CD163L1: variants seen among roughly 807,000 people sequenced by gnomAD.
CD163L1 encodes CD163 molecule like 1, also known as scavenger receptor cysteine-rich type 1 protein M160.
In CD163L1, 124 loss-of-function variants were observed where a neutral mutation model predicts 165.4. The ratio of observed to expected loss-of-function variants is 0.75; its 90% CI spans 0.65 to 0.87. The LOEUF (loss-of-function observed/expected upper bound fraction) is 0.87, where lower values mean the gene tolerates loss of function less well. Among genes scored for constraint, CD163L1 ranks in the 40% least tolerant of loss-of-function variants. The pLI is 0.00. For synonymous variants in CD163L1, 585 were observed against 662.2 expected (o/e 0.88, Z 1.79); for missense variants, 1,525 against 1,799.9 (o/e 0.85, Z 2.76).
At chr12:7,326,969 G>T in the CD163L1 span, 1 of 1,591,280 alleles carries the variant, frequency 6.3e-7, no homozygotes, top group Non-Finnish European at 8.5e-7. Flanking sequence ...TAACTTTTCT[G>T]TTGCAGGTGG....
Position 7,391,736 on chromosome 12 carries a change from A to G in CD163L1, c.2050+4359T>C, listed in dbSNP as rs749234769. Among the ~76,000 whole-genome samples, 5 of 152,210 alleles carry G rather than the reference A, an allele frequency of 3.3e-5. No homozygotes were observed. The East Asian group carries it at 7.7e-4, about 23-fold the overall frequency. ...ATAAAGGGATGGAGGAAGATCTACC[A>G]AACAACTGGAATGCAAAAAAGAGCA... On this transcript the variant is annotated intron_variant, in intron 8 of 19. Coordinates refer to ENST00000313599, the MANE Select transcript of CD163L1 (RefSeq NM_174941.6).
intron 5 of CD163L1, 78 bp downstream of exon 5, chr12:7,406,454 G>A (rs1196536473): frequency 2.2e-6 from 3 of 1,379,724 alleles, no homozygotes; most frequent in Non-Finnish European, 3.0e-6. Context: ...ACAATTGGTT[G>A]TAACTTTTTC....
intron 4 of CD163L1, among the ~76,000 whole-genome samples, chr12:7,424,692 T>C (rs527709273): frequency 1.5e-4 from 23 of 151,862 alleles, no homozygotes; most frequent in African/African-American, 2.2e-4. Flanking sequence ...ACACCAATAA[T>C]AGACAAACAG....
At chr12:7,428,153 T>A (rs73059773) in intron 4 of CD163L1, among the ~76,000 whole-genome samples, 18,742 of 151,994 alleles carry the variant, frequency 0.12, 1,660 homozygotes, top group African/African-American at 0.24. Context: ...AACTATAAAA[T>A]CCTAGCTGTT....
At chr12:7,430,476 T>C (rs1298902490) in intron 4 of CD163L1, among the ~76,000 whole-genome samples, 1 of 152,128 alleles carries the variant, frequency 6.6e-6, no homozygotes, top group Non-Finnish European at 1.5e-5. Context: ...CTCTTCCACC[T>C]CTCCGAGTTT....
the CD163L1 span, among the ~76,000 whole-genome samples, chr12:7,336,450 T>C: frequency 1.3e-5 from 2 of 152,124 alleles, no homozygotes; most frequent in African/African-American, 4.8e-5. Context: ...TAGTTGGGAA[T>C]TGAACAATGA....
rs1033176087 is a variant in CD163L1, at chr12:7,347,595, G to A, written c.*25-448C>T. ...GAGATCGAGACCACGTTGAAACCCCGTCTCTACTGAAAATACAAAAAAATT... is the reference window on the plus strand; with the variant it reads ...GAGATCGAGACCACGTTGAAACCCCATCTCTACTGAAAATACAAAAAAATT... On this transcript the variant is annotated intron_variant, in intron 4 of 4. Coordinates refer to the CD163L1 transcript ENST00000539726. The surrounding 1 kb of genome is among the most constrained non-coding windows in gnomAD (Gnocchi z 4.2). Among the ~76,000 whole-genome samples, 1 of 151,988 alleles carries A rather than the reference G, an allele frequency of 6.6e-6. No individual in the cohort carries two copies. Among genetic ancestry groups the A allele is most frequent in the Admixed American group, 6.5e-5 (1 of 15,272 alleles).
chr12:7,356,817 C>T (rs1204027620), intron 19 of CD163L1, among the ~76,000 whole-genome samples: 1 of 152,046 alleles, frequency 6.6e-6, no homozygotes, highest in East Asian at 1.9e-4. Context: ...TTTAGAACTG[C>T]CTCAATGCAA....
At chr12:7,340,769 G>A in the CD163L1 span, among the ~76,000 whole-genome samples, 27 of 152,288 alleles carry the variant, frequency 1.8e-4, no homozygotes, top group African/African-American at 5.8e-4. Context: ...TTATTATCAA[G>A]GGCTTCTTGT....
At chr12:7,399,739 G>A (rs1444425794) in intron 6 of CD163L1, among the ~76,000 whole-genome samples, 1 of 151,884 alleles carries the variant, frequency 6.6e-6, no homozygotes, top group Non-Finnish European at 1.5e-5. Context: ...CGAGTAGCTG[G>A]GATTACAGGC....
At chr12:7,436,612 A>T (rs943495746) in intron 2 of CD163L1, among the ~76,000 whole-genome samples, 2 of 152,068 alleles carry the variant, frequency 1.3e-5, no homozygotes, top group Non-Finnish European at 2.9e-5. Flanking sequence ...CCTGTAAAAA[A>T]TTTTTTTTAA....
In CD163L1 at chr12:7,369,669, C is replaced by A; in HGVS notation, c.3731-4G>T. 6.2e-7 allele frequency: 1 copy of A among 1,606,416 alleles called. No homozygotes were observed. The highest frequency in any genetic ancestry group is 1.1e-5 in the South Asian group (1 of 90,710). The stretch of plus-strand genomic sequence containing the variant: ...CCTCCACGCACTCTTATTCTATCTA[C>A]AAAGGCACAAAACATGGCTGTCTTT... On this transcript the variant is annotated splice_polypyrimidine_tract_variant and splice_region_variant and intron_variant, in intron 14 of 19. Transcript: ENST00000313599. The surrounding 1 kb of genome is among the most constrained non-coding windows in gnomAD (Gnocchi z 4.9).
the CD163L1 span, chr12:7,320,729 T>A: frequency 5.6e-6 from 9 of 1,613,230 alleles, no homozygotes; most frequent in Non-Finnish European, 6.8e-6. Context: ...ATCCAGACAC[T>A]TACTACTTAT....
chr12:7,327,976 C>T, the CD163L1 span, among the ~76,000 whole-genome samples: 1 of 152,124 alleles, frequency 6.6e-6, no homozygotes, highest in African/African-American at 2.4e-5. Flanking sequence ...TAGCTGTAAT[C>T]TCCATTTCTC....
the CD163L1 span, chr12:7,328,280 C>G: frequency 6.4e-7 from 1 of 1,571,706 alleles, no homozygotes; most frequent in Admixed American, 1.8e-5. Context: ...TTTTTTCTGT[C>G]AATTAGGTGG....
chr12:7,419,915 G>A (rs1182718987), intron 4 of CD163L1, among the ~76,000 whole-genome samples: 1 of 151,970 alleles, frequency 6.6e-6, no homozygotes, highest in Non-Finnish European at 1.5e-5. Context: ...GCAAGACTAA[G>A]CAAAAAGAAC....
chr12:7,327,055 A>C, the CD163L1 span: 1 of 1,611,418 alleles, frequency 6.2e-7, no homozygotes, highest in Non-Finnish European at 8.5e-7. Context: ...CTTCAGGATC[A>C]TGTGAAAAAA....
At chr12:7,343,353 C>G (rs1375506411), downstream of CD163L1, among the ~76,000 whole-genome samples, 1 of 152,156 alleles carries the variant, frequency 6.6e-6, no homozygotes, top group Non-Finnish European at 1.5e-5. Flanking sequence ...TGGTTGAAAT[C>G]TCAATCTCAA....
chr12:7,374,496 C>T lies in CD163L1; in HGVS notation c.3355G>A (p.Gly1119Ser), dbSNP rs149805278. The T allele has an allele frequency of 1.4e-5, 23 of 1,614,052 alleles. 1 individual carries two copies. The highest frequency in any genetic ancestry group is 2.2e-5 in the East Asian group (1 of 44,888). ...TGCCTGCAGTCGTGCTGCCCCCAGC[C>T]GCGGGAAGGGCACTGCCACAAGTGG... ...ESHLWQCPSR[G>S]WGQHDCRHKE... is the part of the protein sequence containing the mutation. Residue 1119 changes from glycine to serine, a missense_variant, in exon 13 of 20, where the codon GGC becomes AGC. Physicochemically the swap from Gly to Ser is moderately conservative, Grantham distance 56. Transcript: ENST00000313599. The surrounding 1 kb of genome is among the most constrained non-coding windows in gnomAD (Gnocchi z 5.4).
Sources: gnomAD v4.1 joint callset for allele counts (sites outside exome capture counted in the v4.1 genomes callset) on GRCh38, gnomAD v4.1.1 for gene constraint, Gnocchi (gnomAD v3.1) non-coding constraint, MANE v1.5 for transcripts, NCBI Gene and HGNC (gene_info 2026-07-23, HGNC 2026-07-21) for gene names.